APOOL: variants seen among roughly 807,000 people sequenced by gnomAD.
APOOL encodes the protein apolipoprotein O like.
In APOOL, 12 loss-of-function variants were observed where a neutral mutation model predicts 23.1. The observed-to-expected ratio is 0.52, with a 90% CI of 0.33 to 0.84. The LOEUF (loss-of-function observed/expected upper bound fraction) is 0.84, where lower values mean the gene tolerates loss of function less well. APOOL is among the 40% of genes least tolerant of loss of function. The pLI, the probability that APOOL is intolerant of heterozygous loss-of-function variation, is 0.02. For missense variants in APOOL, 212 were observed against 199.6 expected (o/e 1.06, Z -0.37); for synonymous variants, 77 against 69.9 (o/e 1.10, Z -0.51).
At chrX:85,068,657 C>T (rs748516451) in intron 6 of APOOL, among the ~76,000 whole-genome samples, 2 of 110,930 alleles carry the variant, frequency 1.8e-5, no homozygotes, top group African/African-American at 6.5e-5. Context: ...CCATCCGCCT[C>T]GGCCTCCCAA....
rs1924431694 is a variant in APOOL, at chrX:85,088,316, G to GGTTTT, written c.*638_*639insGTTTT. 8.9e-5 allele frequency: 2 copies of GGTTTT among 22,533 alleles called. No individual in the cohort carries two copies. The highest frequency in any genetic ancestry group is 1.7e-3 in the East Asian group (1 of 589). 1.9% of individuals were successfully genotyped at this position (22,533 alleles called of 1,213,427 possible). ...TGTATGGAAAGGTGTGTTTCCCTCT[G>GGTTTT]TTTTTTTTTTTTTTTTTTTTTTTTT... On this transcript the variant is annotated 3_prime_UTR_variant, in exon 9 of 9. Transcript: ENST00000373173.
Position 85,055,856 on chromosome X carries a change from C to T in APOOL, c.325C>T (p.Arg109Ter), listed in dbSNP as rs1387460582. ...DAYVYLKNPPRDFLPKMGVIT... is the reference protein window; with the variant it reads ...DAYVYLKNPP ...TTATGTCTATCTGAAGAATCCTCCT[C>T]GAGATTTTCTTCCGAAAATGGGAGT... is the stretch of plus-strand genomic sequence containing the variant. Residue 109 changes from arginine (R) to a stop codon, truncating the protein, a stop_gained, in exon 5 of 9, where the codon CGA becomes TGA. Coordinates refer to ENST00000373173, the MANE Select transcript of APOOL (RefSeq NM_198450.6). LOFTEE classifies it high-confidence loss of function. 3.3e-6 allele frequency: 4 copies of T among 1,199,080 alleles called. No individual in the cohort carries two copies. Among genetic ancestry groups the T allele is most frequent in the Middle Eastern group, 2.3e-4 (1 of 4,277 alleles).
chrX:85,020,134 T>G (rs1207648150), intron 1 of APOOL, among the ~76,000 whole-genome samples: 2 of 111,354 alleles, frequency 1.8e-5, no homozygotes, highest in Non-Finnish European at 3.8e-5. Flanking sequence ...ATATGACTGG[T>G]CAAAACCCTG....
chrX:85,024,360 G>A (rs1921769937), intron 1 of APOOL, among the ~76,000 whole-genome samples: 1 of 112,157 alleles, frequency 8.9e-6, no homozygotes, highest in Non-Finnish European at 1.9e-5. Context: ...ACTAGTATTT[G>A]TGGAGTTCTC....
intron 8 of APOOL, among the ~76,000 whole-genome samples, chrX:85,078,997 C>T (rs770883520): frequency 4.3e-4 from 48 of 111,536 alleles, no homozygotes; most frequent in African/African-American, 1.5e-3. Context: ...TGGGCCGAGA[C>T]GATGGGGTTT....
intron 8 of APOOL, among the ~76,000 whole-genome samples, chrX:85,080,078 GTC>G (rs1048394283): frequency 1.3e-4 from 14 of 111,394 alleles, no homozygotes; most frequent in Admixed American, 2.9e-4. Flanking sequence ...GGTTTTTTGT[GTC>G]TCTATCTTTT....
At position 85,046,547 on chromosome X, in the gene APOOL, G is replaced by A. The variant is rs936992057; in HGVS notation, c.117G>A (p.Glu39=). 6.7e-6 allele frequency: 8 copies of A among 1,196,778 alleles called. No homozygotes were observed. The Admixed American group carries it at 8.9e-5, about 13-fold the overall frequency. Residue 39 remains glutamate, a synonymous_variant, in exon 2 of 9, where the codon GAG becomes GAA. Coordinates refer to ENST00000373173, the MANE Select transcript of APOOL (RefSeq NM_198450.6). ...EESKKQLVKP[E]QLPIYTAPPL... ...CCAAAAAGCAGCTAGTGAAACCAGA[G>A]CAGGTAATTTGCCTACAAAGGTTTA... is the stretch of plus-strand genomic sequence containing the variant.
chrX:85,062,007 G>A (rs761456024), intron 5 of APOOL, among the ~76,000 whole-genome samples: 218 of 110,119 alleles, frequency 2.0e-3, no homozygotes, highest in Non-Finnish European at 3.3e-3. Context: ...GCTTTCTCTT[G>A]TGGGCATTTA....
chrX:85,059,766 G>T (rs1444099856), intron 5 of APOOL, among the ~76,000 whole-genome samples: 8 of 109,873 alleles, frequency 7.3e-5, no homozygotes, highest in African/African-American at 9.9e-5. Flanking sequence ...TCATTGTAGA[G>T]TCTGGATATT....
At chrX:85,048,085 G>C (rs1000116122) in intron 2 of APOOL, among the ~76,000 whole-genome samples, 47 of 111,209 alleles carry the variant, frequency 4.2e-4, no homozygotes, top group African/African-American at 1.5e-3. Flanking sequence ...ATAAGCCGAA[G>C]TGTAGGTCAA....
chrX:85,087,777 G>C lies in APOOL; in HGVS notation c.*99G>C. 1.4e-6 allele frequency: 1 copy of C among 708,666 alleles called. No individual in the cohort carries two copies. Among genetic ancestry groups the C allele is most frequent in the Admixed American group, 4.4e-5 (1 of 22,914 alleles). 58.4% of individuals were successfully genotyped at this position (708,666 alleles called of 1,213,427 possible). A position where few individuals can be genotyped will look rare whatever the true frequency, so the allele number is the denominator to read the frequency against. On this transcript the variant is annotated 3_prime_UTR_variant, in exon 9 of 9. Transcript: ENST00000373173. Reference sequence around the variant, plus strand: ...ATGTAATGGGTAACTGATACATAGAGTATTACCTAAACCAAGTTTCTCCCT... The same window carrying C: ...ATGTAATGGGTAACTGATACATAGACTATTACCTAAACCAAGTTTCTCCCT...
intron 1 of APOOL, among the ~76,000 whole-genome samples, chrX:85,011,674 T>C (rs1921287801): frequency 8.9e-6 from 1 of 112,057 alleles, no homozygotes; most frequent in Non-Finnish European, 1.9e-5. Flanking sequence ...TATTTCTTGG[T>C]TCTCTACTGT....
chrX:85,087,756 A>ATCAGTTACCCATTACATG lies in APOOL; in HGVS notation c.*78_*79insTCAGTTACCCATTACATG. ...AAATAATGATGAAAATAAATCATGT[A>ATCAGTTACCCATTACATG]ATGGGTAACTGATACATAGAGTATT... On this transcript the variant is annotated 3_prime_UTR_variant, in exon 9 of 9. Coordinates refer to ENST00000373173, the MANE Select transcript of APOOL (RefSeq NM_198450.6). 1.2e-6 allele frequency: 1 copy of ATCAGTTACCCATTACATG among 864,988 alleles called. No homozygotes were observed. Among genetic ancestry groups the ATCAGTTACCCATTACATG allele is most frequent in the Non-Finnish European group, 1.6e-6 (1 of 621,533 alleles). 71.3% of individuals were successfully genotyped at this position (864,988 alleles called of 1,213,427 possible).
chrX:85,070,819 C>CA (rs58312082), intron 6 of APOOL, among the ~76,000 whole-genome samples: 2,780 of 86,600 alleles, frequency 0.032, 36 homozygotes, highest in East Asian at 0.091. Flanking sequence ...CGTATATGTC[C>CA]AAAAAAAAAA....
intron 1 of APOOL, among the ~76,000 whole-genome samples, chrX:85,021,954 G>A (rs1036522038): frequency 8.9e-6 from 1 of 111,810 alleles, no homozygotes; most frequent in Non-Finnish European, 1.9e-5. Context: ...TGAGACTACT[G>A]TGAACAATTA....
chrX:85,066,230 A>G (rs1923449107), intron 5 of APOOL, among the ~76,000 whole-genome samples: 1 of 112,279 alleles, frequency 8.9e-6, no homozygotes, highest in Non-Finnish European at 1.9e-5. Flanking sequence ...TATATACAGT[A>G]TAAGATACTC....
In APOOL at chrX:85,074,379, G is replaced by A; in HGVS notation, c.706G>A (p.Glu236Lys). 8.3e-7 allele frequency: 1 copy of A among 1,210,485 alleles called. No individual in the cohort carries two copies. Among genetic ancestry groups the A allele is most frequent in the Non-Finnish European group, 1.1e-6 (1 of 894,776 alleles). ...ELSSEAKTKS[E>K]STSGATQFMP... ...CAGCTCTGAAGCAAAGACCAAATCAGAATCCACTTCAGGTTTGTTGGGTAT... is the reference window on the plus strand; with the variant it reads ...CAGCTCTGAAGCAAAGACCAAATCAAAATCCACTTCAGGTTTGTTGGGTAT... Residue 236 changes from glutamate (E) to lysine (K), a missense_variant, in exon 8 of 9, where the codon GAA becomes AAA. Physicochemically the swap from Glu to Lys is moderately conservative, Grantham distance 56. Coordinates refer to ENST00000373173, the MANE Select transcript of APOOL (RefSeq NM_198450.6).
intron 5 of APOOL, among the ~76,000 whole-genome samples, chrX:85,066,833 C>T (rs1923477286): frequency 9.1e-6 from 1 of 109,936 alleles, no homozygotes; most frequent in Non-Finnish European, 1.9e-5. Context: ...TTTCGTAGGA[C>T]ATGAAAAATA....
chrX:85,081,189 G>T (rs774913285), intron 8 of APOOL, among the ~76,000 whole-genome samples: 1 of 111,658 alleles, frequency 9.0e-6, no homozygotes, highest in Non-Finnish European at 1.9e-5. Context: ...TCCTAGCATC[G>T]ATGGTCTTTA....
Sources: allele counts gnomAD v4.1 joint callset (sites outside exome capture counted in the v4.1 genomes callset), GRCh38; gene constraint gnomAD v4.1.1; transcripts MANE v1.5; gene names NCBI Gene and HGNC (gene_info 2026-07-23, HGNC 2026-07-21).